Variants in SMARCD1 observed in about 807,000 individuals in gnomAD.
SMARCD1 encodes the protein SWI/SNF related BAF chromatin remodeling complex subunit D1.
SMARCD1 carries 16 observed loss-of-function variants against 70.8 expected under a neutral mutation model. The ratio of observed to expected loss-of-function variants is 0.23; its 90% CI spans 0.15 to 0.34. SMARCD1 has a LOEUF of 0.34. Ranked by LOEUF, SMARCD1 falls within the 10% of genes least tolerant of loss-of-function variation. The pLI, the probability that SMARCD1 is intolerant of heterozygous loss-of-function variation, is 1.00. For missense variants in SMARCD1, 409 were observed against 655.5 expected (o/e 0.62, Z 4.11); for synonymous variants, 249 against 246.0 (o/e 1.01, Z -0.11).
At chr12:50,092,677 C>T (rs1950857395) in intron 9 of SMARCD1, among the ~76,000 whole-genome samples, 1 of 152,096 alleles carries the variant, frequency 6.6e-6, no homozygotes. Context: ...GTCCTATATT[C>T]CTATGCTTAA....
chr12:50,089,619 CAT>C (rs1205256656), intron 6 of SMARCD1, among the ~76,000 whole-genome samples: 1 of 152,262 alleles, frequency 6.6e-6, no homozygotes, highest in African/African-American at 2.4e-5. Context: ...TTACTGTTCA[CAT>C]GTGTATTATC....
At chr12:50,090,821 C>CTTTTTTT (rs11443542) in intron 9 of SMARCD1, among the ~76,000 whole-genome samples, 12 of 102,406 alleles carry the variant, frequency 1.2e-4, no homozygotes, top group South Asian at 3.5e-4. Context: ...TGTATTTGTG[C>CTTTTTTT]TTTTTTTTTT....
chr12:50,098,764 C>T lies in SMARCD1; in HGVS notation c.1443C>T (p.Phe481=). ...CAGAGGAGGAGCGCCGAGCTGAGTT[C>T]TACTTCCAGCCCTGGGCTCAGGAGG... The part of the protein sequence containing the change: ...GNPEEERRAE[F]YFQPWAQEAV... The change falls in exon 12 of 13, where the codon TTC becomes TTT. Residue 481 remains phenylalanine (F), a synonymous_variant. Transcript: ENST00000394963. 1.2e-6 allele frequency: 2 copies of T among 1,614,138 alleles called. No individual in the cohort carries two copies. Among genetic ancestry groups the T allele is most frequent in the South Asian group, 2.2e-5 (2 of 91,076 alleles).
intron 7 of SMARCD1, 94 bp downstream of exon 7, chr12:50,090,079 T>C: frequency 7.4e-7 from 1 of 1,355,212 alleles, no homozygotes; most frequent in South Asian, 1.2e-5. Flanking sequence ...GTGAATAATT[T>C]GCCACTTTGG....
Position 50,099,069 on chromosome 12 carries a change from G to A in SMARCD1, c.*69G>A. On this transcript the variant is annotated 3_prime_UTR_variant, in exon 13 of 13. Coordinates refer to ENST00000394963, the MANE Select transcript of SMARCD1 (RefSeq NM_003076.5). ...TGGGCCCTGTGCTGCCTGCCTCATA[G>A]TATCTGCCTTGGTCTTGCTTGGGGC... The A allele has an allele frequency of 6.8e-7, 1 of 1,476,386 alleles. No homozygotes were observed. The highest frequency in any genetic ancestry group is 9.5e-7 in the Non-Finnish European group (1 of 1,055,642). The allele number at this position is 1,476,386 out of a possible 1,614,324, so 91.5% of individuals were successfully genotyped here. A position where few individuals can be genotyped will look rare whatever the true frequency, so the allele number is the denominator to read the frequency against.
intron 11 of SMARCD1, 78 bp downstream of exon 11, chr12:50,097,050 G>T: frequency 7.1e-7 from 1 of 1,405,924 alleles, no homozygotes. Flanking sequence ...GCAGCTGGTA[G>T]GAGACCCAGA....
chr12:50,100,128 C>G lies in SMARCD1; in HGVS notation c.*1128C>G, dbSNP rs1348905082. The stretch of plus-strand genomic sequence containing the variant: ...GCAGCAGGACCTTGTGATCTTGGCC[C>G]CTTGGATCTGAGATGGTTTTTGCAT... On this transcript the variant is annotated 3_prime_UTR_variant, in exon 13 of 13. Coordinates refer to ENST00000394963, the MANE Select transcript of SMARCD1 (RefSeq NM_003076.5). 1 of 152,676 alleles carries G rather than the reference C, an allele frequency of 6.5e-6. No homozygotes were observed. Among genetic ancestry groups the G allele is most frequent in the African/African-American group, 2.4e-5 (1 of 41,446 alleles). The allele number at this position is 152,676 out of a possible 1,614,324, so 9.5% of individuals were successfully genotyped here. A position where few individuals can be genotyped will look rare whatever the true frequency, so the allele number is the denominator to read the frequency against.
At chr12:50,090,630 C>T (rs756641280) in intron 9 of SMARCD1, 40 bp downstream of exon 9, 8 of 1,495,046 alleles carry the variant, frequency 5.4e-6, no homozygotes, top group Non-Finnish European at 7.5e-6. Flanking sequence ...GCCGGAGCTG[C>T]CTTGTGCCGA....
At position 50,099,221 on chromosome 12, in the gene SMARCD1, C is replaced by T. The variant is rs1950918906; in HGVS notation, c.*221C>T. 1.6e-6 allele frequency: 1 copy of T among 616,934 alleles called. No individual in the cohort carries two copies. Among genetic ancestry groups the T allele is most frequent in the African/African-American group, 1.8e-5 (1 of 54,272 alleles). 38.2% of individuals were successfully genotyped at this position (616,934 alleles called of 1,614,324 possible). Reference sequence around the variant, plus strand: ...GCTTCCCTTTGCCCCACAAAGTTCCCATGTGCCTGTACCCTCCCCTGGTCT... The same window carrying T: ...GCTTCCCTTTGCCCCACAAAGTTCCTATGTGCCTGTACCCTCCCCTGGTCT... On this transcript the variant is annotated 3_prime_UTR_variant, in exon 13 of 13. Coordinates refer to ENST00000394963, the MANE Select transcript of SMARCD1 (RefSeq NM_003076.5).
chr12:50,098,737 C>T lies in SMARCD1; in HGVS notation c.1416C>T (p.Asn472=). 1.2e-6 allele frequency: 2 copies of T among 1,614,022 alleles called. No homozygotes were observed. The highest frequency in any genetic ancestry group is 2.2e-5 in the East Asian group (1 of 44,872). ...AGACAATGACTGATGTGGTGGGTAA[C>T]CCAGAGGAGGAGCGCCGAGCTGAGT... ...DLKTMTDVVG[N]PEEERRAEFY... Residue 472 remains asparagine, a synonymous_variant, in exon 12 of 13, where the codon AAC becomes AAT. Coordinates refer to ENST00000394963, the MANE Select transcript of SMARCD1 (RefSeq NM_003076.5).
chr12:50,096,057 TAGG>T (rs1202571402), intron 10 of SMARCD1, among the ~76,000 whole-genome samples: 3 of 152,122 alleles, frequency 2.0e-5, no homozygotes, highest in Admixed American at 6.6e-5. Context: ...GAAGCCCAGT[TAGG>T]AGGCTGGTGC....
At chr12:50,096,642 G>T in intron 10 of SMARCD1, 1 of 520,944 alleles carries the variant, frequency 1.9e-6, no homozygotes, top group Non-Finnish European at 3.5e-6. Flanking sequence ...TCCTCACATG[G>T]GGTATACAGA....
chr12:50,100,341 C>T lies in SMARCD1; in HGVS notation c.*1341C>T, dbSNP rs1211794921. 1 of 151,220 alleles carries T rather than the reference C, an allele frequency of 6.6e-6. No individual in the cohort carries two copies. The highest frequency in any genetic ancestry group is 6.6e-5 in the Admixed American group (1 of 15,060). 9.4% of individuals were successfully genotyped at this position (151,220 alleles called of 1,614,324 possible). A position where few individuals can be genotyped will look rare whatever the true frequency, so the allele number is the denominator to read the frequency against. On this transcript the variant is annotated 3_prime_UTR_variant, in exon 13 of 13. Transcript: ENST00000394963. The stretch of plus-strand genomic sequence containing the variant: ...GCTTCCCCACCCCCTCCTCAGGCTC[C>T]TGCGAGCACACCCCCACCCCCAAAT...
At chr12:50,092,235 C>CTTTTTTTTTTTTT (rs60619880) in intron 9 of SMARCD1, among the ~76,000 whole-genome samples, 77 of 91,136 alleles carry the variant, frequency 8.4e-4, no homozygotes, top group African/African-American at 1.2e-3. Context: ...TTCTTTCTTT[C>CTTTTTTTTTTTTT]TTTTTTTTTT....
At chr12:50,090,434 C>T in intron 8 of SMARCD1, 32 bp downstream of exon 8, 1 of 1,613,508 alleles carries the variant, frequency 6.2e-7, no homozygotes, top group Non-Finnish European at 8.5e-7. Context: ...TTGCTAGAAT[C>T]CATTAGAACA....
At position 50,088,587 on chromosome 12, in the gene SMARCD1, G is replaced by T. The variant is rs762365851; in HGVS notation, c.721G>T (p.Val241Leu). Residue 241 changes from valine (V) to leucine (L), a missense_variant, in exon 6 of 13, where the codon GTG becomes TTG. Around this residue, in one of 2 missense-constraint regions of SMARCD1, gnomAD observed 269 missense variants for 498.6 expected, o/e 0.54. Coordinates refer to ENST00000394963, the MANE Select transcript of SMARCD1 (RefSeq NM_003076.5). ...GTTCTCTTCCTTTTTTAAGTCCTTG[G>T]TGATTGAACTGGACAAAGACCTGTA... The part of the protein sequence containing the change: ...RKFSSFFKSL[V>L]IELDKDLYGP... 6.2e-7 allele frequency: 1 copy of T among 1,612,092 alleles called. No individual in the cohort carries two copies. Among genetic ancestry groups the T allele is most frequent in the East Asian group, 2.2e-5 (1 of 44,834 alleles).
intron 10 of SMARCD1, chr12:50,096,596 C>T: frequency 2.5e-6 from 1 of 397,242 alleles, no homozygotes; most frequent in African/African-American, 2.0e-5. Context: ...GTAGCTTTGC[C>T]CATAGTGGGC....
At position 50,099,390 on chromosome 12, in the gene SMARCD1, G is replaced by A. The variant is rs1039035079; in HGVS notation, c.*390G>A. On this transcript the variant is annotated 3_prime_UTR_variant, in exon 13 of 13. Coordinates refer to ENST00000394963, the MANE Select transcript of SMARCD1 (RefSeq NM_003076.5). ...AGAGACCCAGGAGTTGGGAGCTTTC[G>A]CTCCTTCTCCAAGACTCAGGCCTGT... The A allele has an allele frequency of 3.1e-5, 14 of 456,254 alleles. No homozygotes were observed. Among genetic ancestry groups the A allele is most frequent in the Non-Finnish European group, 4.2e-5 (11 of 259,748 alleles). The allele number at this position is 456,254 out of a possible 1,614,324, so 28.3% of individuals were successfully genotyped here. A position where few individuals can be genotyped will look rare whatever the true frequency, so the allele number is the denominator to read the frequency against.
At chr12:50,085,568 G>T (rs773406919) in intron 1 of SMARCD1, 22 bp downstream of exon 1, 2 of 1,228,866 alleles carry the variant, frequency 1.6e-6, no homozygotes, top group East Asian at 6.3e-5. Context: ...AGGAGGAGGG[G>T]CGCGCGGGCC....
Sources: allele counts gnomAD v4.1 joint callset (sites outside exome capture counted in the v4.1 genomes callset), GRCh38; gene constraint gnomAD v4.1.1; regional missense constraint gnomAD v4.1.1; transcripts MANE v1.5; gene names NCBI Gene and HGNC (gene_info 2026-07-23, HGNC 2026-07-21).